Variants in RPIA observed in about 807,000 individuals in gnomAD.
The protein encoded by RPIA is ribose-5-phosphate isomerase.
In RPIA, 29 loss-of-function variants were observed where a neutral mutation model predicts 37.8. The observed-to-expected ratio is 0.77, with a 90% CI of 0.57 to 1.05. The LOEUF is 1.05. Among genes scored for constraint, RPIA ranks in the 50% least tolerant of loss-of-function variants. The pLI is 0.00. For synonymous variants in RPIA, 167 were observed against 157.0 expected (o/e 1.06, Z -0.48); for missense variants, 385 against 413.6 (o/e 0.93, Z 0.60).
intron 3 of RPIA, among the ~76,000 whole-genome samples, chr2:88,707,842 A>G (rs1049751393): frequency 1.3e-5 from 2 of 152,234 alleles, no homozygotes; most frequent in Admixed American, 6.5e-5. Context: ...TTGCCAGACC[A>G]GGCATGGAAT....
chr2:88,713,120 A>ATATATATT (rs1041923467), intron 3 of RPIA, among the ~76,000 whole-genome samples: 4 of 65,294 alleles, frequency 6.1e-5, no homozygotes, highest in African/African-American at 3.2e-4. Flanking sequence ...ATATATATAT[A>ATATATATT]TTTTTTTTTT....
intron 1 of RPIA, among the ~76,000 whole-genome samples, chr2:88,695,839 A>C (rs1268134121): frequency 6.6e-6 from 1 of 152,160 alleles, no homozygotes; most frequent in African/African-American, 2.4e-5. Context: ...AATAACACAA[A>C]AGTTGTTGGA....
At chr2:88,735,292 C>T (rs7573744) in intron 5 of RPIA, among the ~76,000 whole-genome samples, 9,202 of 152,246 alleles carry the variant, frequency 0.06, 494 homozygotes, top group African/African-American at 0.14. Flanking sequence ...ACTTCATCAC[C>T]CTCATTGGCA....
chr2:88,716,891 G>A (rs1673043387), intron 3 of RPIA, among the ~76,000 whole-genome samples: 1 of 152,196 alleles, frequency 6.6e-6, no homozygotes, highest in South Asian at 2.1e-4. Context: ...TCAGAATGCA[G>A]ATCCAAAGAT....
intron 3 of RPIA, 36 bp downstream of exon 3, chr2:88,700,100 C>T: frequency 6.3e-7 from 1 of 1,596,962 alleles, no homozygotes; most frequent in Non-Finnish European, 8.6e-7. Flanking sequence ...GTGACAGCTT[C>T]TGCTGTATCT....
chr2:88,693,908 C>T (rs966695001), intron 1 of RPIA, among the ~76,000 whole-genome samples: 3 of 152,212 alleles, frequency 2.0e-5, no homozygotes, highest in Admixed American at 1.3e-4. Context: ...CAGGATGGGT[C>T]GACATGCAGA....
chr2:88,728,877 G>T (rs145092721), intron 3 of RPIA, among the ~76,000 whole-genome samples: 4 of 152,306 alleles, frequency 2.6e-5, no homozygotes, highest in African/African-American at 9.6e-5. Flanking sequence ...CATTCATAAT[G>T]ATCTTCCTCA....
chr2:88,721,572 C>T (rs1218479054), intron 3 of RPIA, among the ~76,000 whole-genome samples: 8 of 16,058 alleles, frequency 5.0e-4, no homozygotes, highest in Admixed American at 4.7e-3. Context: ...CACACACACA[C>T]CCCCCCCCCC....
chr2:88,707,952 A>G (rs1156605315), intron 3 of RPIA, among the ~76,000 whole-genome samples: 3 of 152,316 alleles, frequency 2.0e-5, no homozygotes, highest in African/African-American at 7.2e-5. Context: ...CATTGGACTG[A>G]TTCTAAGAAA....
chr2:88,694,827 AG>A (rs1286897690), intron 1 of RPIA, among the ~76,000 whole-genome samples: 2 of 152,216 alleles, frequency 1.3e-5, no homozygotes, highest in African/African-American at 4.8e-5. Context: ...GGAATGCTGC[AG>A]GTGAAGAAGA....
At chr2:88,742,523 C>CA (rs1673394247) in intron 8 of RPIA, among the ~76,000 whole-genome samples, 1 of 152,118 alleles carries the variant, frequency 6.6e-6, no homozygotes, top group African/African-American at 2.4e-5. Context: ...CTTGCTTTGG[C>CA]TATGTGGGCT....
chr2:88,742,770 G>A (rs1447646907), intron 8 of RPIA, among the ~76,000 whole-genome samples: 1 of 151,814 alleles, frequency 6.6e-6, no homozygotes, highest in East Asian at 1.9e-4. Context: ...TCCTTGGTTG[G>A]GTATACTCCT....
At chr2:88,701,723 G>T (rs1194985411) in intron 3 of RPIA, among the ~76,000 whole-genome samples, 1 of 42,850 alleles carries the variant, frequency 2.3e-5, no homozygotes, top group East Asian at 6.7e-4. Context: ...CTGGGAGCGT[G>T]TCCCTTTCTG....
intron 8 of RPIA, among the ~76,000 whole-genome samples, chr2:88,747,159 G>A (rs1389066079): frequency 6.6e-6 from 1 of 152,092 alleles, no homozygotes; most frequent in Non-Finnish European, 1.5e-5. Context: ...TGGTTCTCAG[G>A]TCAATGGAGT....
At chr2:88,703,968 C>T (rs1295368145) in intron 3 of RPIA, among the ~76,000 whole-genome samples, 1 of 152,168 alleles carries the variant, frequency 6.6e-6, no homozygotes, top group African/African-American at 2.4e-5. Flanking sequence ...CAAAGTTCCA[C>T]AAATCTCTGG....
intron 1 of RPIA, 142 bp downstream of exon 1, chr2:88,692,125 C>G (rs1370608985): frequency 4.7e-6 from 5 of 1,064,732 alleles, no homozygotes; most frequent in Non-Finnish European, 6.7e-6. Flanking sequence ...TGCACTTTAC[C>G]CGAGTTTAGA....
chr2:88,711,562 A>G (rs1356931093), intron 3 of RPIA, among the ~76,000 whole-genome samples: 2 of 152,228 alleles, frequency 1.3e-5, no homozygotes, highest in Admixed American at 1.3e-4. Flanking sequence ...AGGTGTCAGA[A>G]TAGATTGTAA....
chr2:88,725,467 ACT>A (rs1392701448), intron 3 of RPIA, among the ~76,000 whole-genome samples: 2 of 148,984 alleles, frequency 1.3e-5, no homozygotes, highest in Middle Eastern at 3.4e-3. Flanking sequence ...CTTCCTCCTA[ACT>A]CTCTCGGTGG....
intron 3 of RPIA, among the ~76,000 whole-genome samples, chr2:88,726,482 T>A (rs1673198414): frequency 6.6e-6 from 1 of 152,152 alleles, no homozygotes; most frequent in African/African-American, 2.4e-5. Context: ...CACCCCTGAT[T>A]TAAGGTATAT....
Sources: gnomAD v4.1 joint callset for allele counts (sites outside exome capture counted in the v4.1 genomes callset) on GRCh38, gnomAD v4.1.1 for gene constraint, MANE v1.5 for transcripts, NCBI Gene and HGNC (gene_info 2026-07-23, HGNC 2026-07-21) for gene names.